NYAP1: variants seen among roughly 807,000 people sequenced by gnomAD.
The protein encoded by NYAP1 is neuronal tyrosine phosphorylated phosphoinositide-3-kinase adaptor 1.
A neutral mutation model predicts 58.6 loss-of-function variants in NYAP1; 20 were observed. The observed-to-expected ratio is 0.34, with a 90% CI of 0.24 to 0.50. NYAP1 has a LOEUF of 0.50. Ranked by LOEUF, NYAP1 falls within the 20% of genes least tolerant of loss-of-function variation. NYAP1 has a pLI of 0.98. For synonymous variants in NYAP1, 572 were observed against 523.1 expected (o/e 1.09, Z -1.27); for missense variants, 1,150 against 1,194.5 (o/e 0.96, Z 0.55).
At chr7:100,491,275 A>AG (rs1799792859) in intron 6 of NYAP1, among the ~76,000 whole-genome samples, 180 bp downstream of exon 6, 1 of 152,092 alleles carries the variant, frequency 6.6e-6, no homozygotes, top group Non-Finnish European at 1.5e-5. Flanking sequence ...TGAGCAACAT[A>AG]GTGAGACCCT....
rs1307980838 is a variant in NYAP1 at position 100,486,228 on chromosome 7, G to A, written c.69-593G>A. 1.3e-5 allele frequency among the ~76,000 whole-genome samples: 2 copies of A among 152,064 alleles called. No homozygotes were observed. Among genetic ancestry groups the A allele is most frequent in the East Asian group, 1.9e-4 (1 of 5,182 alleles). On this transcript the variant is annotated intron_variant, in intron 2 of 6. Transcript: ENST00000300179. The surrounding 1 kb of genome is among the most constrained non-coding windows in gnomAD (Gnocchi z 6.2). The stretch of plus-strand genomic sequence containing the variant: ...TCTGCCACCCTCCACTCAGACAGAA[G>A]CTCAGGGACAGTGGAATGGAATGGG...
intron 6 of NYAP1, among the ~76,000 whole-genome samples, chr7:100,492,057 A>C (rs960244922): frequency 5.3e-5 from 8 of 151,708 alleles, no homozygotes; most frequent in Non-Finnish European, 1.0e-4. Context: ...CTCAAAAAAA[A>C]CCAAAAAACA....
In NYAP1 at chr7:100,490,599, A is replaced by G. The variant is rs1193954035; in HGVS notation, c.2028A>G (p.Thr676=). 4 of 1,578,938 alleles carry G rather than the reference A, an allele frequency of 2.5e-6. No homozygotes were observed. The highest frequency in any genetic ancestry group is 2.3e-5 in the South Asian group (2 of 86,118). The part of the protein sequence containing the change: ...KVEREDRGPG[T]SGIPVRSQGA... ...AGCGTGAGGACAGGGGCCCTGGGAC[A>G]TCGGGGATCCCAGTGAGAAGCCAGG... is the stretch of plus-strand genomic sequence containing the variant. Residue 676 remains threonine (T), a synonymous_variant, in exon 5 of 7, where the codon ACA becomes ACG. Transcript: ENST00000300179. The surrounding 1 kb of genome is among the most constrained non-coding windows in gnomAD (Gnocchi z 4.6).
chr7:100,493,597 G>A (rs1291601570), intron 6 of NYAP1, 49 bp from the exon 7 acceptor site: 1 of 1,489,982 alleles, frequency 6.7e-7, no homozygotes, highest in South Asian at 1.3e-5. Context: ...GTCATGCTGA[G>A]GTCCCCGACC....
chr7:100,486,899 C>T lies in NYAP1; in HGVS notation c.147C>T (p.Ile49=), dbSNP rs774033119. ...GQGPGVRVRD[I]ASLRRSLRMG... is the part of the protein sequence containing the mutation. ...GGCCTGGGGTCCGCGTGCGGGACAT[C>T]GCCTCGCTGCGGCGCTCCCTCAGGA... Residue 49 remains isoleucine, a synonymous_variant, in exon 3 of 7, where the codon ATC becomes ATT. Transcript: ENST00000300179. This position sits in a 1 kb window ranked among gnomAD's most constrained non-coding sequence, Gnocchi z 6.2. 24 of 1,578,170 alleles carry T rather than the reference C, an allele frequency of 1.5e-5. No homozygotes were observed. The highest frequency in any genetic ancestry group is 4.6e-5 in the East Asian group (2 of 43,270).
chr7:100,489,079 C>G lies in NYAP1; in HGVS notation c.1358C>G (p.Pro453Arg), dbSNP rs774718976. Reference sequence around the variant, plus strand: ...CCGGCCGCCTTGCTCCCCGGCCCCCCCAAGGACAAGGCCGTGTCTTACACC... The same window carrying G: ...CCGGCCGCCTTGCTCCCCGGCCCCCGCAAGGACAAGGCCGTGTCTTACACC... ...PAPAALLPGPPKDKAVSYTMV... is the reference protein window; with the variant it reads ...PAPAALLPGPRKDKAVSYTMV... Residue 453 changes from proline to arginine, a missense_variant, in exon 4 of 7, where the codon CCC (proline) becomes CGC (arginine). Coordinates refer to ENST00000300179, the MANE Select transcript of NYAP1 (RefSeq NM_173564.4). 1.2e-5 allele frequency: 19 copies of G among 1,553,292 alleles called. No individual in the cohort carries two copies. The highest frequency in any genetic ancestry group is 2.7e-5 in the African/African-American group (2 of 73,694).
chr7:100,489,418 G>A lies in NYAP1; in HGVS notation c.1697G>A (p.Ser566Asn). ...CTCAAGAGACCCCCTGCCTATGAGA[G>A]CCTCAAGGCTGGGGGGGTGCTGAAT... ...AGLKRPPAYE[S>N]LKAGGVLNKG... The change falls in exon 4 of 7, where the codon AGC becomes AAC. Residue 566 changes from serine (S) to asparagine (N), a missense_variant. Ser to Asn is a conservative substitution (Grantham distance 46). Transcript: ENST00000300179. The A allele has an allele frequency of 1.9e-6, 3 of 1,613,000 alleles. No homozygotes were observed. The highest frequency in any genetic ancestry group is 2.5e-6 in the Non-Finnish European group (3 of 1,179,902).
rs898121098 is a variant in NYAP1, at chr7:100,485,819, T to G, written c.68+440T>G. 8.6e-5 allele frequency among the ~76,000 whole-genome samples: 13 copies of G among 152,040 alleles called. No homozygotes were observed. Among genetic ancestry groups the G allele is most frequent in the African/African-American group, 2.9e-4 (12 of 41,414 alleles). The stretch of plus-strand genomic sequence containing the variant: ...TTTCCCTGCTGGGGGAGGTGAGTGG[T>G]CAAGTGATGGGGTTGTGTGTGTGGT... On this transcript the variant is annotated intron_variant, in intron 2 of 6. Coordinates refer to ENST00000300179, the MANE Select transcript of NYAP1 (RefSeq NM_173564.4). This position sits in a 1 kb window ranked among gnomAD's most constrained non-coding sequence, Gnocchi z 5.7.
rs755392547 is a variant in NYAP1 at position 100,493,756 on chromosome 7, C to T, written c.2379C>T (p.Ile793=). The T allele has an allele frequency of 1.2e-6, 2 of 1,605,590 alleles. No individual in the cohort carries two copies. The highest frequency in any genetic ancestry group is 8.5e-7 in the Non-Finnish European group (1 of 1,178,490). The part of the protein sequence containing the change: ...IERKRCVCKE[I]KARHRPDRGL... ...GCAAGCGCTGCGTGTGCAAGGAGAT[C>T]AAGGCGCGCCACCGCCCGGACCGAG... The change falls in exon 7 of 7, where the codon ATC becomes ATT. Residue 793 remains isoleucine, a synonymous_variant. Transcript: ENST00000300179.
intron 4 of NYAP1, among the ~76,000 whole-genome samples, chr7:100,489,881 C>T (rs1046223169): frequency 1.2e-4 from 19 of 152,066 alleles, no homozygotes; most frequent in African/African-American, 2.4e-4. Flanking sequence ...GTCTGGGAGG[C>T]GAAGGGGGTC....
At position 100,488,903 on chromosome 7, in the gene NYAP1, G is replaced by A; in HGVS notation, c.1182G>A (p.Leu394=). The A allele has an allele frequency of 6.3e-7, 1 of 1,593,836 alleles. No individual in the cohort carries two copies. The highest frequency in any genetic ancestry group is 8.5e-7 in the Non-Finnish European group (1 of 1,173,620). The change falls in exon 4 of 7, where the codon CTG becomes CTA. Residue 394 remains leucine, a synonymous_variant. Transcript: ENST00000300179. This position sits in a 1 kb window ranked among gnomAD's most constrained non-coding sequence, Gnocchi z 5.9. The part of the protein sequence containing the change: ...PPPPPPPAAN[L]LLLGPSGRAR... ...CGCCTCCACCTCCTGCTGCCAACCTGCTGCTGCTGGGACCATCGGGCCGGG... is the reference window on the plus strand; with the variant it reads ...CGCCTCCACCTCCTGCTGCCAACCTACTGCTGCTGGGACCATCGGGCCGGG...
chr7:100,484,582 A>C (rs772732050), intron 1 of NYAP1, among the ~76,000 whole-genome samples: 18 of 152,094 alleles, frequency 1.2e-4, no homozygotes, highest in Non-Finnish European at 2.5e-4. Context: ...TACCCAACTC[A>C]GGGTGTCTCC....
At chr7:100,484,777 T>C (rs1468492232) in intron 1 of NYAP1, among the ~76,000 whole-genome samples, 1 of 152,098 alleles carries the variant, frequency 6.6e-6, no homozygotes. Flanking sequence ...TCTGGAGGTC[T>C]GTGGGTGTGT....
chr7:100,489,098 T>G lies in NYAP1; in HGVS notation c.1377T>G (p.Ser459=). ...LPGPPKDKAV[S]YTMVYSAVKV... ...GCCCCCCCAAGGACAAGGCCGTGTCTTACACCATGGTGTACTCGGCGGTCA... is the reference window on the plus strand; with the variant it reads ...GCCCCCCCAAGGACAAGGCCGTGTCGTACACCATGGTGTACTCGGCGGTCA... Residue 459 remains serine (S), a synonymous_variant, in exon 4 of 7, where the codon TCT becomes TCG. Transcript: ENST00000300179. The G allele has an allele frequency of 6.4e-7, 1 of 1,574,260 alleles. No individual in the cohort carries two copies. The highest frequency in any genetic ancestry group is 2.3e-5 in the East Asian group (1 of 43,098).
In NYAP1 at chr7:100,488,529, G is replaced by C. The variant is rs750519084; in HGVS notation, c.808G>C (p.Glu270Gln). Residue 270 changes from glutamate (E) to glutamine (Q), a missense_variant, in exon 4 of 7, where the codon GAA becomes CAA. Physicochemically the swap from Glu to Gln is conservative, Grantham distance 29. Coordinates refer to ENST00000300179, the MANE Select transcript of NYAP1 (RefSeq NM_173564.4). The surrounding 1 kb of genome is among the most constrained non-coding windows in gnomAD (Gnocchi z 5.9). The stretch of plus-strand genomic sequence containing the variant: ...TGAAGAGATGAAGTACCCGCTGCCG[G>C]AAGAGGCTGGGGAAGGCCGGGCCAA... ...IYEEMKYPLP[E>Q]EAGEGRANGP... is the part of the protein sequence containing the mutation. The C allele has an allele frequency of 6.2e-7, 1 of 1,612,334 alleles. No individual in the cohort carries two copies. The highest frequency in any genetic ancestry group is 2.2e-5 in the East Asian group (1 of 44,836).
At position 100,488,650 on chromosome 7, in the gene NYAP1, G is replaced by A. The variant is rs976301402; in HGVS notation, c.929G>A (p.Arg310Gln). ...CGCCCAGCTTCAGCCCTCCCGAGCC[G>A]GAGGGACGGGACGCCCACCAAGACC... ...HRRPASALPSRRDGTPTKTTP... is the reference protein window; with the variant it reads ...HRRPASALPSQRDGTPTKTTP... The change falls in exon 4 of 7, where the codon CGG becomes CAG. Residue 310 changes from arginine (R) to glutamine (Q), a missense_variant. Physicochemically the swap from Arg to Gln is conservative, Grantham distance 43. Transcript: ENST00000300179. This position sits in a 1 kb window ranked among gnomAD's most constrained non-coding sequence, Gnocchi z 5.9. 1.4e-5 allele frequency: 23 copies of A among 1,609,736 alleles called. No homozygotes were observed. The highest frequency in any genetic ancestry group is 8.8e-5 in the South Asian group (8 of 90,894).
At position 100,485,401 on chromosome 7, in the gene NYAP1, CTCCCT is replaced by C; in HGVS notation, c.68+31_68+35del. The stretch of plus-strand genomic sequence containing the variant: ...GGAGGTAAGGCTGCACCCCAGACTG[CTCCCT>C]TCCCTTCCGCACCTCTGCCTGCCCC... On this transcript the variant is annotated intron_variant, in intron 2 of 6. Coordinates refer to ENST00000300179, the MANE Select transcript of NYAP1 (RefSeq NM_173564.4). The surrounding 1 kb of genome is among the most constrained non-coding windows in gnomAD (Gnocchi z 5.7). The C allele has an allele frequency of 6.4e-7, 1 of 1,569,168 alleles. No homozygotes were observed. The highest frequency in any genetic ancestry group is 1.2e-5 in the South Asian group (1 of 86,440).
chr7:100,488,562 C>T lies in NYAP1; in HGVS notation c.841C>T (p.Pro281Ser), dbSNP rs774397288. The change falls in exon 4 of 7, where the codon CCA becomes TCA. Residue 281 changes from proline (P) to serine (S), a missense_variant. By Grantham distance (74) the Pro-to-Ser change is moderately conservative (BLOSUM62 -1). Transcript: ENST00000300179. This position sits in a 1 kb window ranked among gnomAD's most constrained non-coding sequence, Gnocchi z 5.9. The part of the protein sequence containing the change: ...EAGEGRANGP[P>S]PLTATSPPQQ... The stretch of plus-strand genomic sequence containing the variant: ...TGGGGAAGGCCGGGCCAATGGCCCT[C>T]CACCATTGACGGCAACATCCCCGCC... 6 of 1,609,278 alleles carry T rather than the reference C, an allele frequency of 3.7e-6. No homozygotes were observed. The African/African-American group carries it at 4.0e-5, about 11-fold the overall frequency.
In NYAP1 at chr7:100,490,686, G is replaced by C. The variant is rs1335647143; in HGVS notation, c.2115G>C (p.Leu705=). 2 of 1,543,662 alleles carry C rather than the reference G, an allele frequency of 1.3e-6. No individual in the cohort carries two copies. Among genetic ancestry groups the C allele is most frequent in the South Asian group, 2.4e-5 (2 of 82,328 alleles). The part of the protein sequence containing the change: ...HGDRGGSRTA[L]PIPCQTFPAC... ...ACCGAGGAGGGAGCCGCACCGCGCT[G>C]CCCATTCCCTGCCAGACCTTCCCCG... Residue 705 remains leucine (L), a synonymous_variant, in exon 5 of 7, where the codon CTG becomes CTC. Coordinates refer to ENST00000300179, the MANE Select transcript of NYAP1 (RefSeq NM_173564.4). The surrounding 1 kb of genome is among the most constrained non-coding windows in gnomAD (Gnocchi z 4.6).
Sources: allele counts gnomAD v4.1 joint callset (sites outside exome capture counted in the v4.1 genomes callset), GRCh38; gene constraint gnomAD v4.1.1; non-coding constraint Gnocchi (gnomAD v3.1); transcripts MANE v1.5; gene names NCBI Gene and HGNC (gene_info 2026-07-23, HGNC 2026-07-21).